PCDH15: variants seen among roughly 807,000 people sequenced by gnomAD.
The protein encoded by PCDH15 is protocadherin-15.
A neutral mutation model predicts 178.5 loss-of-function variants in PCDH15; 129 were observed. The ratio of observed to expected loss-of-function variants is 0.72; its 90% CI spans 0.63 to 0.84. The LOEUF (loss-of-function observed/expected upper bound fraction) is 0.84, where lower values mean the gene tolerates loss of function less well. Among genes scored for constraint, PCDH15 ranks in the 40% least tolerant of loss-of-function variants. PCDH15 has a pLI of 0.00. For missense variants in PCDH15, 2,230 were observed against 2,099.9 expected, an observed-to-expected ratio of 1.06 and a Z score of -1.21; for synonymous variants, 800 against 732.0, an observed-to-expected ratio of 1.09 and a Z score of -1.50.
chr10:55,348,970 T>G (rs1313652915), intron 2 of PCDH15, among the ~76,000 whole-genome samples: 1 of 152,096 alleles, frequency 6.6e-6, no homozygotes, highest in Non-Finnish European at 1.5e-5. Context: ...AACAAAACAT[T>G]GTGGACATGA....
intron 2 of PCDH15, among the ~76,000 whole-genome samples, chr10:55,106,474 C>T (rs1042078132): frequency 1.1e-4 from 17 of 152,018 alleles, no homozygotes; most frequent in Admixed American, 3.3e-4. Context: ...AGTGCAGTGG[C>T]GCACGATCTC....
At chr10:54,644,579 T>G (rs2135050075) in intron 2 of PCDH15, among the ~76,000 whole-genome samples, 1 of 152,222 alleles carries the variant, frequency 6.6e-6, no homozygotes, top group South Asian at 2.1e-4. Flanking sequence ...AGCTTCCAGT[T>G]ACTTGTCTTA....
chr10:55,016,553 T>C (rs547752094), intron 2 of PCDH15, among the ~76,000 whole-genome samples: 2 of 152,102 alleles, frequency 1.3e-5, no homozygotes, highest in African/African-American at 2.4e-5. Context: ...CCAGTAACCA[T>C]CATAAACATT....
chr10:54,729,114 C>T (rs1942986291), intron 1 of PCDH15, among the ~76,000 whole-genome samples: 1 of 151,542 alleles, frequency 6.6e-6, no homozygotes, highest in Non-Finnish European at 1.5e-5. Context: ...ATAGCCAAAG[C>T]AATCCTAAAC....
chr10:53,996,528 A>G (rs1356908518), intron 20 of PCDH15, among the ~76,000 whole-genome samples: 1 of 152,166 alleles, frequency 6.6e-6, no homozygotes, highest in Non-Finnish European at 1.5e-5. Flanking sequence ...GTGACTCAAG[A>G]AAAAGATGTC....
At chr10:54,040,252 T>C (rs1293908131) in intron 18 of PCDH15, among the ~76,000 whole-genome samples, 3 of 151,978 alleles carry the variant, frequency 2.0e-5, no homozygotes, top group Non-Finnish European at 2.9e-5. Context: ...CCATGTGTTG[T>C]GGGTGGGACC....
intron 2 of PCDH15, among the ~76,000 whole-genome samples, chr10:55,583,306 A>G (rs186329360): frequency 6.6e-6 from 1 of 152,346 alleles, no homozygotes; most frequent in East Asian, 1.9e-4. Flanking sequence ...ATGCAAGTGT[A>G]AAGTGTTTGT....
intron 24 of PCDH15, among the ~76,000 whole-genome samples, chr10:53,939,551 T>C (rs2085868092): frequency 1.3e-5 from 2 of 152,194 alleles, no homozygotes; most frequent in South Asian, 4.1e-4. Context: ...ATGCTCTCCA[T>C]ATTCTCTCCT....
intron 2 of PCDH15, among the ~76,000 whole-genome samples, chr10:55,580,975 A>G (rs1342621046): frequency 2.6e-5 from 4 of 152,226 alleles, no homozygotes; most frequent in African/African-American, 9.6e-5. Flanking sequence ...CCTCTATGTG[A>G]AAACCACAAT....
chr10:54,782,101 A>C (rs1231253889), intron 1 of PCDH15, among the ~76,000 whole-genome samples: 3 of 152,196 alleles, frequency 2.0e-5, no homozygotes, highest in African/African-American at 4.8e-5. Context: ...GAAATCTTTC[A>C]AAGTATTCCA....
At chr10:54,761,834 T>C (rs1344104588) in intron 1 of PCDH15, among the ~76,000 whole-genome samples, 2 of 152,184 alleles carry the variant, frequency 1.3e-5, no homozygotes, top group Admixed American at 1.3e-4. Flanking sequence ...ATAATCAAAG[T>C]GCAAGCTTTG....
At chr10:55,366,511 A>T (rs1845365695) in intron 2 of PCDH15, among the ~76,000 whole-genome samples, 1 of 152,176 alleles carries the variant, frequency 6.6e-6, no homozygotes, top group Non-Finnish European at 1.5e-5. Context: ...ATGTGTTTAC[A>T]ACCCTCAGAT....
At chr10:54,061,738 ATT>A (rs1274691490) in intron 18 of PCDH15, among the ~76,000 whole-genome samples, 2 of 152,006 alleles carry the variant, frequency 1.3e-5, no homozygotes, top group African/African-American at 2.4e-5. Flanking sequence ...TTTCATACAT[ATT>A]GTTACAGTTT....
intron 2 of PCDH15, among the ~76,000 whole-genome samples, chr10:55,068,986 C>T (rs1841642869): frequency 6.6e-6 from 1 of 152,022 alleles, no homozygotes; most frequent in African/African-American, 2.4e-5. Context: ...CATCCTCCAC[C>T]TCCTGGGTTC....
At chr10:55,119,319 C>T (rs1468338379) in intron 2 of PCDH15, among the ~76,000 whole-genome samples, 4 of 152,096 alleles carry the variant, frequency 2.6e-5, no homozygotes, top group South Asian at 4.1e-4. Flanking sequence ...ACCTGACCTT[C>T]GACTTTTTCC....
intron 2 of PCDH15, among the ~76,000 whole-genome samples, chr10:55,092,158 C>T (rs935970445): frequency 2.6e-5 from 4 of 151,744 alleles, no homozygotes; most frequent in Non-Finnish European, 4.4e-5. Context: ...CTTAATTTTC[C>T]TTGTGCTAAT....
At chr10:54,732,655 A>G (rs543205048) in intron 1 of PCDH15, among the ~76,000 whole-genome samples, 1 of 151,726 alleles carries the variant, frequency 6.6e-6, no homozygotes, top group South Asian at 2.1e-4. Context: ...TCCAAAAAAT[A>G]GAAGAGGAAG....
chr10:55,576,374 A>G (rs1411180394), intron 2 of PCDH15, among the ~76,000 whole-genome samples: 1 of 152,176 alleles, frequency 6.6e-6, no homozygotes, highest in Non-Finnish European at 1.5e-5. Flanking sequence ...GAGGAGAAAG[A>G]GGAAGGGCTG....
intron 2 of PCDH15, among the ~76,000 whole-genome samples, chr10:54,973,588 A>C (rs2131896318): frequency 6.6e-6 from 1 of 152,292 alleles, no homozygotes; most frequent in Non-Finnish European, 1.5e-5. Flanking sequence ...ATACTAGTGT[A>C]GAAAACAAGG....
Sources: gnomAD v4.1 joint callset for allele counts (sites outside exome capture counted in the v4.1 genomes callset) on GRCh38, gnomAD v4.1.1 for gene constraint, MANE v1.5 for transcripts, NCBI Gene and HGNC (gene_info 2026-07-23, HGNC 2026-07-21) for gene names.